The following CHD5 variants were observed in gnomAD, a reference collection of about 807,000 sequenced individuals.
CHD5 encodes chromodomain helicase DNA binding protein 5, also known as ATP-dependent chromatin remodeler CHD5.
CHD5 carries 69 observed loss-of-function variants against 230.3 expected under a neutral mutation model. The observed-to-expected ratio is 0.30, with a 90% CI of 0.25 to 0.37. The LOEUF is 0.37. CHD5 is among the 10% of genes least tolerant of loss of function. The probability of loss-of-function intolerance (pLI) is 1.00; values close to 1 mark genes in which losing one functional copy is unlikely to be tolerated. For missense variants in CHD5, 1,827 were observed against 2,622.8 expected (o/e 0.70, Z 6.63); for synonymous variants, 1,064 against 1,065.9 (o/e 1.00, Z 0.03).
chr1:6,149,734 T>G (rs1666971146), intron 7 of CHD5, among the ~76,000 whole-genome samples: 1 of 146,766 alleles, frequency 6.8e-6, no homozygotes, highest in African/African-American at 2.5e-5. Flanking sequence ...GGATGATGAA[T>G]GGACAAATGG....
chr1:6,134,212 G>A lies in CHD5; in HGVS notation c.3060C>T (p.Val1020=), dbSNP rs1293231782. The A allele has an allele frequency of 1.2e-6, 2 of 1,613,772 alleles. No individual in the cohort carries two copies. The highest frequency in any genetic ancestry group is 1.7e-6 in the Non-Finnish European group (2 of 1,179,930). The change falls in exon 20 of 42, where the codon GTC becomes GTT. Residue 1020 remains valine, a synonymous_variant. Coordinates refer to ENST00000262450, the MANE Select transcript of CHD5 (RefSeq NM_015557.3). This position sits in a 1 kb window ranked among gnomAD's most constrained non-coding sequence, Gnocchi z 6.3. ...GCAGCATGAGCTTCCCTGAAGACTTGACCAGGGAGCTTCCATCGTAGGAGC... is the reference window on the plus strand; with the variant it reads ...GCAGCATGAGCTTCCCTGAAGACTTAACCAGGGAGCTTCCATCGTAGGAGC... ...PNGSYDGSSL[V]KSSGKLMLLQ...
At chr1:6,138,998 G>A (rs1050843603) in intron 15 of CHD5, among the ~76,000 whole-genome samples, 1 of 152,230 alleles carries the variant, frequency 6.6e-6, no homozygotes, top group Non-Finnish European at 1.5e-5. Context: ...TCAGTGAAAT[G>A]AGCCAGTGAC....
chr1:6,112,623 T>C (rs1241145532), intron 34 of CHD5, among the ~76,000 whole-genome samples: 3 of 152,186 alleles, frequency 2.0e-5, no homozygotes, highest in African/African-American at 7.2e-5. Context: ...CCTAGAGGTA[T>C]GCAAAGCTTC....
chr1:6,136,974 C>T, intron 15 of CHD5, 109 bp from the exon 16 acceptor site: 3 of 1,241,816 alleles, frequency 2.4e-6, no homozygotes, highest in Non-Finnish European at 3.3e-6. Context: ...CACAAAGGCT[C>T]CACGGAGCCC....
chr1:6,110,294 G>C (rs757168721), intron 37 of CHD5, 100 bp downstream of exon 37: 2 of 1,379,986 alleles, frequency 1.4e-6, no homozygotes, highest in African/African-American at 1.4e-5. Context: ...CCAGGTACAC[G>C]GGGAGGGGTT....
chr1:6,133,499 G>A (rs1352156041), intron 20 of CHD5, among the ~76,000 whole-genome samples: 1 of 152,248 alleles, frequency 6.6e-6, no homozygotes, highest in Non-Finnish European at 1.5e-5. Flanking sequence ...CCCACGAGAG[G>A]AGCATTTTTA....
chr1:6,106,739 G>C lies in CHD5; in HGVS notation c.5619C>G (p.Ala1873=), dbSNP rs200068048. ...GCATGGATGGCAGCCGGGTCACGTC[G>C]GCCTTCATGTCGCTCAGCAGCTCCT... is the stretch of plus-strand genomic sequence containing the variant. ...QLEELLSDMK[A]DVTRLPSMLS... The change falls in exon 39 of 42, where the codon GCC becomes GCG. Residue 1873 remains alanine, a synonymous_variant. Coordinates refer to ENST00000262450, the MANE Select transcript of CHD5 (RefSeq NM_015557.3). 134 of 1,611,706 alleles carry C rather than the reference G, an allele frequency of 8.3e-5. No homozygotes were observed. The highest frequency in any genetic ancestry group is 1.1e-4 in the Non-Finnish European group (130 of 1,179,722).
Position 6,154,823 on chromosome 1 carries a change from C to T in CHD5, c.582G>A (p.Glu194=). Residue 194 remains glutamate (E), a synonymous_variant, in exon 5 of 42, where the codon GAG becomes GAA. Transcript: ENST00000262450. The surrounding 1 kb of genome is among the most constrained non-coding windows in gnomAD (Gnocchi z 7.0). ...MMTVLGAKWR[E]FSANNPFKGS... is the part of the protein sequence containing the mutation. ...CCTTGAAGGGGTTGTTGGCGCTGAA[C>T]TCCCGCCACTTGGCACCCAGGACGG... 6.2e-7 allele frequency: 1 copy of T among 1,613,922 alleles called. No individual in the cohort carries two copies. The highest frequency in any genetic ancestry group is 8.5e-7 in the Non-Finnish European group (1 of 1,179,992).
intron 33 of CHD5, among the ~76,000 whole-genome samples, chr1:6,117,129 C>T (rs1314263847): frequency 6.6e-6 from 1 of 151,556 alleles, no homozygotes; most frequent in Non-Finnish European, 1.5e-5. Flanking sequence ...TTTGATCAAT[C>T]CAAGAGATGG....
chr1:6,168,369 C>G (rs1290634138), intron 1 of CHD5, 92 bp from the exon 2 acceptor site: 19 of 1,443,202 alleles, frequency 1.3e-5, no homozygotes, highest in African/African-American at 2.8e-5. Flanking sequence ...AGCTGGGACC[C>G]CCAGACACCC....
intron 20 of CHD5, among the ~76,000 whole-genome samples, chr1:6,133,844 A>C (rs535760084): frequency 6.6e-6 from 1 of 152,254 alleles, no homozygotes; most frequent in African/African-American, 2.4e-5. Flanking sequence ...GCTGCGGGGG[A>C]GAGGGCCAGG....
chr1:6,174,750 T>TGATG (rs1385255211), intron 1 of CHD5, among the ~76,000 whole-genome samples: 1 of 128,506 alleles, frequency 7.8e-6, no homozygotes, highest in Non-Finnish European at 1.6e-5. Context: ...GATGGTGAAT[T>TGATG]GATGGATGGA....
At chr1:6,164,743 AGGCTCTCAAATGCAGGGGAGGG>A (rs1159924266) in intron 2 of CHD5, among the ~76,000 whole-genome samples, 16 of 152,328 alleles carry the variant, frequency 1.1e-4, no homozygotes, top group Admixed American at 8.5e-4. Flanking sequence ...GGCCCGAGCC[AGGCTCTCAAATGCAGGGGAGGG>A]GGCACCTCTG....
Position 6,105,265 on chromosome 1 carries a change from G to A in CHD5, c.*209C>T. 1 of 381,804 alleles carries A rather than the reference G, an allele frequency of 2.6e-6. No individual in the cohort carries two copies. Among genetic ancestry groups the A allele is most frequent in the Non-Finnish European group, 5.4e-6 (1 of 186,310 alleles). The allele number at this position is 381,804 out of a possible 1,614,324, so 23.7% of individuals were successfully genotyped here. ...CTGTGTGGAAGAACACTTGAATTAT[G>A]ATGAGGTGGCACTTCTGGGCTCTGG... On this transcript the variant is annotated 3_prime_UTR_variant, in exon 42 of 42. Coordinates refer to ENST00000262450, the MANE Select transcript of CHD5 (RefSeq NM_015557.3). This position sits in a 1 kb window ranked among gnomAD's most constrained non-coding sequence, Gnocchi z 4.8.
In CHD5 at chr1:6,128,668, G is replaced by T; in HGVS notation, c.3620-59C>A. 6.9e-7 allele frequency: 1 copy of T among 1,456,674 alleles called. No individual in the cohort carries two copies. Among genetic ancestry groups the T allele is most frequent in the Non-Finnish European group, 9.6e-7 (1 of 1,043,432 alleles). 90.2% of individuals were successfully genotyped at this position (1,456,674 alleles called of 1,614,324 possible). A position where few individuals can be genotyped will look rare whatever the true frequency, so the allele number is the denominator to read the frequency against. On this transcript the variant is annotated intron_variant, in intron 23 of 41. Coordinates refer to ENST00000262450, the MANE Select transcript of CHD5 (RefSeq NM_015557.3). This position sits in a 1 kb window ranked among gnomAD's most constrained non-coding sequence, Gnocchi z 7.8. ...ACCACAGAGGGCTGCAGGGTTGGCG[G>T]GCAGTGCCCAGAGACACCACCCTGG...
chr1:6,111,939 G>T, intron 35 of CHD5, 56 bp from the exon 36 acceptor site: 1 of 1,532,624 alleles, frequency 6.5e-7, no homozygotes, highest in Non-Finnish European at 9.0e-7. Context: ...TCACGCACAG[G>T]CAGGCTTGGA....
chr1:6,133,050 C>T (rs755037269), intron 20 of CHD5, among the ~76,000 whole-genome samples: 28 of 152,110 alleles, frequency 1.8e-4, no homozygotes, highest in Non-Finnish European at 3.2e-4. Context: ...TGAGCCACTG[C>T]GCCCAGCCCC....
In CHD5 at chr1:6,146,356, G is replaced by C. The variant is rs375622476; in HGVS notation, c.1658C>G (p.Pro553Arg). ...QRKNDMDEPP[P>R]FDYGSGDEDG... Reference sequence around the variant, plus strand: ...TTCATCCCCAGAGCCGTAGTCAAAGGGGGGCGGCTCATCCATGTCGTTCTT... The same window carrying C: ...TTCATCCCCAGAGCCGTAGTCAAAGCGGGGCGGCTCATCCATGTCGTTCTT... The change falls in exon 11 of 42, where the codon CCC becomes CGC. Residue 553 changes from proline to arginine, a missense_variant. By Grantham distance (103) the Pro-to-Arg change is moderately radical (BLOSUM62 -2). Transcript: ENST00000262450. The surrounding 1 kb of genome is among the most constrained non-coding windows in gnomAD (Gnocchi z 5.1). 6 of 1,614,112 alleles carry C rather than the reference G, an allele frequency of 3.7e-6. No individual in the cohort carries two copies. Among genetic ancestry groups the C allele is most frequent in the Admixed American group, 1.7e-5 (1 of 60,010 alleles).
At position 6,121,121 on chromosome 1, in the gene CHD5, C is replaced by T. The variant is rs758058613; in HGVS notation, c.4896G>A (p.Pro1632=). 4 of 1,604,834 alleles carry T rather than the reference C, an allele frequency of 2.5e-6. No homozygotes were observed. Among genetic ancestry groups the T allele is most frequent in the East Asian group, 2.2e-5 (1 of 44,836 alleles). ...AGCCCCAACCTCTCGGCAGCTGCTCCGGGGAGGGCGGGGCCTTCTCCGTCT... is the reference window on the plus strand; with the variant it reads ...AGCCCCAACCTCTCGGCAGCTGCTCTGGGGAGGGCGGGGCCTTCTCCGTCT... ...PEETEKAPPS[P]EQLPREEVLP... The change falls in exon 33 of 42, where the codon CCG becomes CCA. Residue 1632 remains proline (P), a synonymous_variant. Coordinates refer to ENST00000262450, the MANE Select transcript of CHD5 (RefSeq NM_015557.3). The surrounding 1 kb of genome is among the most constrained non-coding windows in gnomAD (Gnocchi z 4.5).
Sources: gnomAD v4.1 joint callset for allele counts (sites outside exome capture counted in the v4.1 genomes callset) on GRCh38, gnomAD v4.1.1 for gene constraint, Gnocchi (gnomAD v3.1) non-coding constraint, MANE v1.5 for transcripts, NCBI Gene and HGNC (gene_info 2026-07-23, HGNC 2026-07-21) for gene names.